Variants in P3H2 observed in about 807,000 individuals in gnomAD.
P3H2 encodes the protein leprecan-like 1.
P3H2 carries 80 observed loss-of-function variants against 87.0 expected under a neutral mutation model. The ratio of observed to expected loss-of-function variants is 0.92; its 90% CI spans 0.77 to 1.11. The LOEUF is 1.11. Ranked by LOEUF, P3H2 falls within the 50% of genes least tolerant of loss-of-function variation. The probability of loss-of-function intolerance (pLI) is 0.00; values close to 1 mark genes in which losing one functional copy is unlikely to be tolerated. For synonymous variants in P3H2, 367 were observed against 359.3 expected (o/e 1.02, Z -0.24); for missense variants, 1,001 against 923.9 (o/e 1.08, Z -1.08).
At chr3:189,999,968 C>T (rs373915277) in intron 1 of P3H2, among the ~76,000 whole-genome samples, 15 of 152,180 alleles carry the variant, frequency 9.9e-5, no homozygotes, top group African/African-American at 2.4e-4. Context: ...AGCCTGCTGA[C>T]GTTCAGAAGT....
chr3:189,966,378 T>C (rs1186801247), intron 13 of P3H2, among the ~76,000 whole-genome samples: 3 of 152,194 alleles, frequency 2.0e-5, no homozygotes, highest in African/African-American at 7.2e-5. Context: ...TTTTCTTTCT[T>C]CTGGAATTGA....
chr3:190,034,765 T>C (rs1437834680), intron 1 of P3H2, among the ~76,000 whole-genome samples: 1 of 152,210 alleles, frequency 6.6e-6, no homozygotes, highest in Non-Finnish European at 1.5e-5. Context: ...AAAATGGGAA[T>C]TCTGCTGTAT....
chr3:190,041,055 C>T (rs1287337652), intron 1 of P3H2, among the ~76,000 whole-genome samples: 3,572 of 36,480 alleles, frequency 0.098, 359 homozygotes, highest in African/African-American at 0.22. Context: ...CACACACACA[C>T]ACACACACAC....
At chr3:190,107,281 G>A (rs532298288) in intron 1 of P3H2, among the ~76,000 whole-genome samples, 164 of 152,232 alleles carry the variant, frequency 1.1e-3, no homozygotes, top group Non-Finnish European at 2.0e-3. Flanking sequence ...ACCTATTGAG[G>A]TAAAAAATAA....
intron 1 of P3H2, among the ~76,000 whole-genome samples, chr3:190,092,098 T>C (rs1309534845): frequency 6.6e-6 from 1 of 152,028 alleles, no homozygotes; most frequent in Admixed American, 6.6e-5. Context: ...CCGGACATGG[T>C]GGTGGACACC....
At chr3:190,095,397 G>C (rs1258985013) in intron 1 of P3H2, among the ~76,000 whole-genome samples, 1 of 128,290 alleles carries the variant, frequency 7.8e-6, no homozygotes, top group Non-Finnish European at 1.6e-5. Context: ...TCTACACCAA[G>C]AAGAGTTATA....
upstream of P3H2, chr3:190,120,912 GC>G: frequency 1.0e-6 from 1 of 974,580 alleles, no homozygotes; most frequent in Non-Finnish European, 1.4e-6. Context: ...GCCGTGCCTG[GC>G]CAGCCGCTCT....
intron 6 of P3H2, 91 bp downstream of exon 6, chr3:189,986,697 G>A (rs1577255491): frequency 1.1e-6 from 1 of 933,308 alleles, no homozygotes. Context: ...AGCTTTTTGA[G>A]GTAAATGGCA....
At chr3:190,115,638 G>T (rs1712260699) in intron 1 of P3H2, among the ~76,000 whole-genome samples, 1 of 152,156 alleles carries the variant, frequency 6.6e-6, no homozygotes, top group South Asian at 2.1e-4. Flanking sequence ...TGCAACATTA[G>T]CCAGAACTTG....
chr3:190,109,655 T>C (rs1711990289), intron 1 of P3H2, among the ~76,000 whole-genome samples: 1 of 152,188 alleles, frequency 6.6e-6, no homozygotes, highest in Admixed American at 6.6e-5. Flanking sequence ...GAACCAGATA[T>C]GGGATATAAG....
chr3:190,068,614 T>C (rs79383415), intron 1 of P3H2, among the ~76,000 whole-genome samples: 21,786 of 152,218 alleles, frequency 0.14, 1,924 homozygotes, highest in Non-Finnish European at 0.2. Context: ...ATGTAGGAGA[T>C]TTGTTTTCTT....
intron 1 of P3H2, among the ~76,000 whole-genome samples, chr3:190,098,142 ATACATTTGTATACAC>A (rs1256943857): frequency 6.6e-6 from 1 of 152,226 alleles, no homozygotes; most frequent in Non-Finnish European, 1.5e-5. Flanking sequence ...TGTAAAATGT[ATACATTTGTATACAC>A]TACATTTGTA....
chr3:190,067,697 CTCT>C (rs765544449), intron 1 of P3H2, among the ~76,000 whole-genome samples: 1 of 152,112 alleles, frequency 6.6e-6, no homozygotes, highest in Non-Finnish European at 1.5e-5. Flanking sequence ...TCTTCTCCTC[CTCT>C]TAAGTGTTCG....
chr3:190,098,933 A>C (rs931396324), intron 1 of P3H2, among the ~76,000 whole-genome samples: 2 of 152,108 alleles, frequency 1.3e-5, no homozygotes, highest in African/African-American at 4.8e-5. Context: ...GTCAAGGTTT[A>C]TTTGATCTTG....
intron 1 of P3H2, among the ~76,000 whole-genome samples, chr3:190,079,209 T>C (rs1397058660): frequency 6.6e-6 from 1 of 152,026 alleles, no homozygotes; most frequent in East Asian, 1.9e-4. Context: ...GGCAGGGTGG[T>C]GCATTCCTAT....
intron 1 of P3H2, among the ~76,000 whole-genome samples, chr3:190,090,862 T>C (rs562980795): frequency 1.1e-4 from 16 of 152,304 alleles, no homozygotes; most frequent in South Asian, 4.1e-4. Flanking sequence ...GTTTTACTCC[T>C]TTGCAAGACG....
chr3:190,025,256 T>G (rs1231165654), intron 1 of P3H2, among the ~76,000 whole-genome samples: 1 of 152,176 alleles, frequency 6.6e-6, no homozygotes, highest in East Asian at 1.9e-4. Context: ...TTTTCATCCT[T>G]TGTAAGCCAA....
chr3:190,085,277 A>G (rs1407133587), intron 1 of P3H2, among the ~76,000 whole-genome samples: 2 of 152,218 alleles, frequency 1.3e-5, no homozygotes, highest in South Asian at 4.1e-4. Flanking sequence ...TGCTGTTTTT[A>G]CTGAATTTTT....
At position 189,973,025 on chromosome 3, in the gene P3H2, C is replaced by CT. The variant is rs2108908990; in HGVS notation, c.1549-2dup. 1 of 1,542,654 alleles carries CT rather than the reference C, an allele frequency of 6.5e-7. No homozygotes were observed. The highest frequency in any genetic ancestry group is 8.7e-7 in the Non-Finnish European group (1 of 1,146,866). The stretch of plus-strand genomic sequence containing the variant: ...GTGGGACTCGACCTTCATAACCAGA[C>CT]TGAAAAAAAAAAACAAAACATGAGA... On this transcript the variant is annotated splice_acceptor_variant, in intron 10 of 14. Coordinates refer to ENST00000319332, the MANE Select transcript of P3H2 (RefSeq NM_018192.4). LOFTEE classifies it high-confidence loss of function.
Sources: allele counts gnomAD v4.1 joint callset (sites outside exome capture counted in the v4.1 genomes callset), GRCh38; gene constraint gnomAD v4.1.1; transcripts MANE v1.5; gene names NCBI Gene and HGNC (gene_info 2026-07-23, HGNC 2026-07-21).